Variants in CABIN1 observed in about 807,000 individuals in gnomAD.
CABIN1 encodes calcineurin binding protein 1, also known as calcineurin-binding protein cabin-1.
CABIN1 carries 133 observed loss-of-function variants against 227.7 expected under a neutral mutation model. The ratio of observed to expected loss-of-function variants is 0.58; its 90% CI spans 0.51 to 0.67. The LOEUF (loss-of-function observed/expected upper bound fraction) is 0.67. Among genes scored for constraint, CABIN1 ranks in the 30% least tolerant of loss-of-function variants. The probability of loss-of-function intolerance (pLI) is 0.00; values close to 1 mark genes in which losing one functional copy is unlikely to be tolerated. For synonymous variants in CABIN1, 1,086 were observed against 1,155.1 expected (o/e 0.94, Z 1.21); for missense variants, 2,408 against 2,852.5 (o/e 0.84, Z 3.55).
rs553677842 is a variant in CABIN1, at chr22:24,023,751, T to C, written c.-74-11693T>C. On this transcript the variant is annotated intron_variant, in intron 1 of 36. Transcript: ENST00000263119. ...GTCATTTACCTGTTTTTTTTTTTTT[T>C]GAGATGGAGACTTGCTCTGTCACCC... Among the ~76,000 whole-genome samples, 233 of 152,038 alleles carry C rather than the reference T, an allele frequency of 1.5e-3. 2 individuals carry two copies. Among genetic ancestry groups the C allele is most frequent in the African/African-American group, 5.4e-3 (222 of 41,484 alleles).
At chr22:24,126,600 G>A (rs2043739095) in intron 28 of CABIN1, among the ~76,000 whole-genome samples, 1 of 152,140 alleles carries the variant, frequency 6.6e-6, no homozygotes, top group South Asian at 2.1e-4. Flanking sequence ...AAGCTGGTGT[G>A]ACTAGATGGG....
chr22:24,052,661 C>T (rs570244769), intron 8 of CABIN1, among the ~76,000 whole-genome samples: 1 of 151,610 alleles, frequency 6.6e-6, no homozygotes, highest in South Asian at 2.1e-4. Flanking sequence ...TATGGTGGCA[C>T]ACACCTGTAG....
chr22:24,134,251 C>T (rs1333333815), intron 28 of CABIN1, 51 bp from the exon 29 acceptor site: 9 of 1,414,690 alleles, frequency 6.4e-6, no homozygotes, highest in East Asian at 2.4e-5. Context: ...TCCCTGTGGG[C>T]GCCCTGAGCA....
At chr22:24,145,133 T>C (rs922135834) in intron 29 of CABIN1, among the ~76,000 whole-genome samples, 3 of 151,752 alleles carry the variant, frequency 2.0e-5, no homozygotes, top group Non-Finnish European at 2.9e-5. Context: ...CTATACGCAG[T>C]GGTGGGTGGC....
chr22:24,155,977 G>T (rs983166924), intron 29 of CABIN1: 2 of 547,620 alleles, frequency 3.7e-6, no homozygotes, highest in African/African-American at 4.1e-5. Context: ...CGCCTGCCCC[G>T]CCCCGGCCCG....
chr22:24,064,305 A>G (rs2039424182), intron 15 of CABIN1, 118 bp downstream of exon 15: 4 of 1,122,796 alleles, frequency 3.6e-6, no homozygotes, highest in Admixed American at 3.8e-5. Flanking sequence ...TCTGGGGTTC[A>G]AGGGATTCTC....
chr22:24,045,157 C>T (rs1240827690), intron 6 of CABIN1, among the ~76,000 whole-genome samples: 3 of 152,226 alleles, frequency 2.0e-5, no homozygotes, highest in Non-Finnish European at 4.4e-5. Flanking sequence ...ATCTCCTGAC[C>T]TCGTGATCCG....
Position 24,171,862 on chromosome 22 carries a change from A to T in CABIN1, c.5907A>T (p.Ala1969=). ...ATGCTCACACCAAGCCTCGCCCTGCACTAGCTGCCGCCACAACTATTATCA... is the reference window on the plus strand; with the variant it reads ...ATGCTCACACCAAGCCTCGCCCTGCTCTAGCTGCCGCCACAACTATTATCA... ...PSDAHTKPRP[A]LAAATTIITC... Residue 1969 remains alanine (A), a synonymous_variant, in exon 34 of 37, where the codon GCA becomes GCT. Transcript: ENST00000263119. 6.2e-7 allele frequency: 1 copy of T among 1,614,092 alleles called. No homozygotes were observed. Among genetic ancestry groups the T allele is most frequent in the Non-Finnish European group, 8.5e-7 (1 of 1,180,038 alleles).
intron 1 of CABIN1, among the ~76,000 whole-genome samples, chr22:24,017,090 G>A (rs1357090619): frequency 2.8e-5 from 4 of 144,256 alleles, no homozygotes; most frequent in African/African-American, 7.8e-5. Context: ...AGGCTGGAGT[G>A]CAATGGCGCG....
chr22:24,038,344 G>T lies in CABIN1; in HGVS notation c.97-4G>T. On this transcript the variant is annotated splice_polypyrimidine_tract_variant and splice_region_variant and intron_variant, in intron 3 of 36. Coordinates refer to ENST00000263119, the MANE Select transcript of CABIN1 (RefSeq NM_012295.4). ...ATGAAAACATCTCTTGTCTTGATTT[G>T]CAGGAAGCAGAGGCTTTTGCATTGT... 6.2e-7 allele frequency: 1 copy of T among 1,610,026 alleles called. No homozygotes were observed. Among genetic ancestry groups the T allele is most frequent in the Non-Finnish European group, 8.5e-7 (1 of 1,176,298 alleles).
At chr22:24,102,879 C>T (rs568345011) in intron 26 of CABIN1, among the ~76,000 whole-genome samples, 21 of 152,066 alleles carry the variant, frequency 1.4e-4, no homozygotes, top group Non-Finnish European at 2.9e-4. Context: ...CCAGGGTGCC[C>T]TGTGCCAAAC....
intron 26 of CABIN1, among the ~76,000 whole-genome samples, chr22:24,098,764 G>C (rs140163007): frequency 6.6e-6 from 1 of 152,300 alleles, no homozygotes; most frequent in Non-Finnish European, 1.5e-5. Context: ...CTAACATTAG[G>C]AGGCTTGCAT....
intron 19 of CABIN1, among the ~76,000 whole-genome samples, chr22:24,079,715 G>A (rs1436590899): frequency 1.3e-5 from 2 of 152,072 alleles, no homozygotes; most frequent in East Asian, 1.9e-4. Flanking sequence ...CAAATTGCCT[G>A]TTCACATGAT....
At chr22:24,040,953 T>C (rs1263724750) in intron 4 of CABIN1, among the ~76,000 whole-genome samples, 186 bp from the exon 5 acceptor site, 1 of 152,226 alleles carries the variant, frequency 6.6e-6, no homozygotes, top group African/African-American at 2.4e-5. Flanking sequence ...TGTTCTTCTC[T>C]GTGCGCTTGG....
At chr22:24,134,436 A>G in intron 29 of CABIN1, 21 bp downstream of exon 29, 1 of 1,590,146 alleles carries the variant, frequency 6.3e-7, no homozygotes, top group Non-Finnish European at 8.6e-7. Flanking sequence ...TGCCTTGTTG[A>G]TTTCCAAGGC....
At chr22:24,024,565 G>C (rs1185406935) in intron 1 of CABIN1, among the ~76,000 whole-genome samples, 1 of 152,012 alleles carries the variant, frequency 6.6e-6, no homozygotes, top group Non-Finnish European at 1.5e-5. Context: ...GTCTTTAATT[G>C]GATTTGAGGA....
intron 11 of CABIN1, 138 bp from the exon 12 acceptor site, chr22:24,059,786 C>T (rs867514358): frequency 2.5e-6 from 2 of 793,134 alleles, no homozygotes; most frequent in Middle Eastern, 5.8e-4. Flanking sequence ...CTGATCTCAG[C>T]ACCACAACGT....
Position 24,134,421 on chromosome 22 carries a change from T to TAA in CABIN1, c.4746+7_4746+8insAA. 1 of 1,606,032 alleles carries TAA rather than the reference T, an allele frequency of 6.2e-7. No homozygotes were observed. Among genetic ancestry groups the TAA allele is most frequent in the Middle Eastern group, 1.7e-4 (1 of 6,046 alleles). ...ACAAGACCAATTTCTTCAACGTGAG[T>TAA]ACTTTGCCTTGTTGATTTCCAAGGC... On this transcript the variant is annotated splice_region_variant and intron_variant, in intron 29 of 36. Transcript: ENST00000263119.
At chr22:24,171,548 C>T (rs1454826856) in intron 33 of CABIN1, among the ~76,000 whole-genome samples, 165 bp from the exon 34 acceptor site, 1 of 152,226 alleles carries the variant, frequency 6.6e-6, no homozygotes, top group East Asian at 1.9e-4. Context: ...CTCTGATGGA[C>T]CTTGTTGGCA....
Sources: gnomAD v4.1 joint callset for allele counts (sites outside exome capture counted in the v4.1 genomes callset) on GRCh38, gnomAD v4.1.1 for gene constraint, MANE v1.5 for transcripts, NCBI Gene and HGNC (gene_info 2026-07-23, HGNC 2026-07-21) for gene names.